TMEM164: variants seen among roughly 807,000 people sequenced by gnomAD.
TMEM164 encodes RP13-360B22.2.
TMEM164 carries 4 observed loss-of-function variants against 18.8 expected under a neutral mutation model. That is an observed-to-expected ratio of 0.21 (90% CI 0.10 to 0.49). The LOEUF is 0.49. Among genes scored for constraint, TMEM164 ranks in the 20% least tolerant of loss-of-function variants. The pLI is 0.98. For synonymous variants in TMEM164, 86 were observed against 101.7 expected (o/e 0.85, Z 0.93); for missense variants, 108 against 239.9 (o/e 0.45, Z 3.63).
intron 4 of TMEM164, among the ~76,000 whole-genome samples, chrX:110,119,050 A>G (rs1234580558): frequency 3.6e-5 from 4 of 111,572 alleles, no homozygotes; most frequent in Non-Finnish European, 7.5e-5. Context: ...GGGGTGATAG[A>G]TAATATTTTT....
intron 4 of TMEM164, among the ~76,000 whole-genome samples, chrX:110,143,580 C>A (rs2066803174): frequency 9.0e-6 from 1 of 111,691 alleles, no homozygotes; most frequent in South Asian, 3.8e-4. Context: ...GAGCCAACGT[C>A]TGTGTCCAGC....
At position 110,109,072 on chromosome X, in the gene TMEM164, C is replaced by G; in HGVS notation, c.441-8C>G. ...TATGACCTGAACTTTATCTTTCTCC[C>G]CCTCTAGGCTACAGATGCACATGTT... is the stretch of plus-strand genomic sequence containing the variant. On this transcript the variant is annotated splice_polypyrimidine_tract_variant and splice_region_variant and intron_variant, in intron 3 of 6. Transcript: ENST00000372068. The G allele has an allele frequency of 8.3e-7, 1 of 1,209,030 alleles. No individual in the cohort carries two copies.
At chrX:110,125,115 G>A (rs1418705999) in intron 4 of TMEM164, among the ~76,000 whole-genome samples, 2 of 111,790 alleles carry the variant, frequency 1.8e-5, no homozygotes, top group Non-Finnish European at 3.8e-5. Context: ...AAATGAGGAC[G>A]GTCATAACAA....
At chrX:110,080,888 ATTTTTTT>A (rs367869176) in intron 3 of TMEM164, among the ~76,000 whole-genome samples, 17 of 74,549 alleles carry the variant, frequency 2.3e-4, no homozygotes, top group East Asian at 1.8e-3. Context: ...CTAGCTAATA[ATTTTTTT>A]TTTTTTTTTT....
At chrX:110,044,107 A>G (rs1176072502) in intron 2 of TMEM164, among the ~76,000 whole-genome samples, 1 of 112,464 alleles carries the variant, frequency 8.9e-6, no homozygotes, top group African/African-American at 3.2e-5. Context: ...TTCTCCCCCC[A>G]GAGGCTACTA....
In TMEM164 at chrX:110,098,941, A is replaced by G. The variant is rs760396630; in HGVS notation, c.441-10139A>G. On this transcript the variant is annotated intron_variant, in intron 3 of 6. Transcript: ENST00000372068. ...GGGACTACAAGGCACCCGCCACCAC[A>G]CCCGGCTAATTTTTTTTTTTTTTTT... Among the ~76,000 whole-genome samples, 314 of 90,996 alleles carry G rather than the reference A, an allele frequency of 3.5e-3. 1 individual carries two copies. The highest frequency in any genetic ancestry group is 0.012 in the African/African-American group (291 of 24,615). The allele number at this position is 90,996 out of a possible 115,157, so 79.0% of individuals were successfully genotyped here. A position where few individuals can be genotyped will look rare whatever the true frequency, so the allele number is the denominator to read the frequency against.
At chrX:110,015,573 G>GTGTGTGTGTT (rs1467521527) in intron 2 of TMEM164, among the ~76,000 whole-genome samples, 2 of 110,223 alleles carry the variant, frequency 1.8e-5, no homozygotes, top group Non-Finnish European at 3.8e-5. Context: ...GTGTGTGTGT[G>GTGTGTGTGTT]TGTGTGTGCG....
At chrX:110,081,215 A>G (rs1327484437) in intron 3 of TMEM164, among the ~76,000 whole-genome samples, 1 of 111,240 alleles carries the variant, frequency 9.0e-6, no homozygotes, top group Non-Finnish European at 1.9e-5. Flanking sequence ...TTAAAATAGT[A>G]TTGGGGGATA....
rs935540431 is a variant in TMEM164, at chrX:110,159,763, A to C, written c.587-11657A>C. ...TAATGGAGGGCTAGAGGAATCTTCA[A>C]CTTCCCTTCCCCCACAAAAAATTGC... On this transcript the variant is annotated intron_variant, in intron 5 of 6. Coordinates refer to ENST00000372068, the MANE Select transcript of TMEM164 (RefSeq NM_032227.4). 7.2e-5 allele frequency among the ~76,000 whole-genome samples: 8 copies of C among 111,418 alleles called. 1 individual carries two copies. In the East Asian group the frequency reaches 2.2e-3, roughly 31 times the overall value.
chrX:110,126,284 C>T (rs2066527214), intron 4 of TMEM164, among the ~76,000 whole-genome samples: 1 of 111,907 alleles, frequency 8.9e-6, no homozygotes. Context: ...CCCCTCTCCT[C>T]CTGATCCAGA....
At chrX:110,093,766 T>C (rs2065970350) in intron 3 of TMEM164, among the ~76,000 whole-genome samples, 1 of 111,939 alleles carries the variant, frequency 8.9e-6, no homozygotes, top group East Asian at 2.8e-4. Context: ...TCTAGTTCTT[T>C]TAACTGTGAT....
At chrX:110,054,904 A>G (rs1935747618) in intron 2 of TMEM164, among the ~76,000 whole-genome samples, 1 of 112,075 alleles carries the variant, frequency 8.9e-6, no homozygotes, top group Non-Finnish European at 1.9e-5. Flanking sequence ...ACTTGTGTGT[A>G]TCAGCCCTTT....
chrX:110,135,068 T>A (rs1294317683), intron 4 of TMEM164, among the ~76,000 whole-genome samples: 1 of 110,084 alleles, frequency 9.1e-6, no homozygotes, highest in East Asian at 2.8e-4. Flanking sequence ...ATAAAAAATA[T>A]ATATATACAA....
At chrX:110,033,195 A>G (rs1319955693) in intron 2 of TMEM164, among the ~76,000 whole-genome samples, 3 of 112,362 alleles carry the variant, frequency 2.7e-5, no homozygotes, top group Non-Finnish European at 5.6e-5. Flanking sequence ...AAGAAAAAAA[A>G]GCTAGCAGAA....
chrX:110,142,288 G>A (rs183508678), intron 4 of TMEM164, among the ~76,000 whole-genome samples: 1 of 112,143 alleles, frequency 8.9e-6, no homozygotes, highest in East Asian at 2.8e-4. Flanking sequence ...TGCATGTCCT[G>A]CCCCTGGTCC....
intron 4 of TMEM164, among the ~76,000 whole-genome samples, chrX:110,127,978 T>C (rs1370975449): frequency 8.9e-6 from 1 of 112,502 alleles, no homozygotes; most frequent in African/African-American, 3.2e-5. Context: ...ACTAAACGTA[T>C]GTTCCTAAAA....
intron 2 of TMEM164, among the ~76,000 whole-genome samples, chrX:110,062,385 A>G: frequency 8.9e-6 from 1 of 111,850 alleles, no homozygotes; most frequent in East Asian, 2.8e-4. Context: ...TTGCCTGTTA[A>G]ACACGTGATA....
At chrX:110,164,397 T>C (rs1010434029) in intron 5 of TMEM164, among the ~76,000 whole-genome samples, 4 of 111,399 alleles carry the variant, frequency 3.6e-5, no homozygotes, top group African/African-American at 1.3e-4. Flanking sequence ...TCCAGTGGGG[T>C]CAAAGAAGTA....
At chrX:110,023,722 C>G (rs958645720) in intron 2 of TMEM164, among the ~76,000 whole-genome samples, 118 of 111,891 alleles carry the variant, frequency 1.1e-3, no homozygotes, top group African/African-American at 3.6e-3. Context: ...TACCCAAGGT[C>G]ACACAGCTAG....
Sources: allele counts gnomAD v4.1 joint callset (sites outside exome capture counted in the v4.1 genomes callset), GRCh38; gene constraint gnomAD v4.1.1; transcripts MANE v1.5; gene names NCBI Gene and HGNC (gene_info 2026-07-23, HGNC 2026-07-21).